GRK5: variants seen among roughly 807,000 people sequenced by gnomAD.
GRK5 encodes the protein G protein-coupled receptor kinase 5.
In GRK5, 40 loss-of-function variants were observed where a neutral mutation model predicts 78.4. That is an observed-to-expected ratio of 0.51 (90% CI 0.40 to 0.66). The LOEUF (loss-of-function observed/expected upper bound fraction) is 0.66, where lower values mean the gene tolerates loss of function less well. GRK5 is among the 30% of genes least tolerant of loss of function. The pLI, the probability that GRK5 is intolerant of heterozygous loss-of-function variation, is 0.00. For synonymous variants in GRK5, 289 were observed against 296.8 expected (o/e 0.97, Z 0.27); for missense variants, 598 against 759.9 (o/e 0.79, Z 2.50).
chr10:119,214,598 C>T (rs1366712315), intron 1 of GRK5, among the ~76,000 whole-genome samples: 1 of 152,130 alleles, frequency 6.6e-6, no homozygotes, highest in African/African-American at 2.4e-5. Context: ...CAGCTCACTG[C>T]AACTTCGACC....
In GRK5 at chr10:119,452,269, C is replaced by T. The variant is rs1271737749; in HGVS notation, c.1405-402C>T. Among the ~76,000 whole-genome samples the T allele has an allele frequency of 6.6e-6, 1 of 152,216 alleles. No homozygotes were observed. Among genetic ancestry groups the T allele is most frequent in the African/African-American group, 2.4e-5 (1 of 41,456 alleles). On this transcript the variant is annotated intron_variant, in intron 13 of 15. Coordinates refer to ENST00000392870, the MANE Select transcript of GRK5 (RefSeq NM_005308.3). This position sits in a 1 kb window ranked among gnomAD's most constrained non-coding sequence, Gnocchi z 4.4. Reference sequence around the variant, plus strand: ...ACTTCCCCAAAGTTCCTAAGCCCCACAGCTGGGACTCTAGCCCACGTCTGT... The same window carrying T: ...ACTTCCCCAAAGTTCCTAAGCCCCATAGCTGGGACTCTAGCCCACGTCTGT...
chr10:119,292,945 T>C (rs983546414), intron 1 of GRK5, among the ~76,000 whole-genome samples: 2 of 152,180 alleles, frequency 1.3e-5, no homozygotes. Flanking sequence ...GTTGACTTTA[T>C]GTTTTACAAA....
Position 119,431,313 on chromosome 10 carries a change from G to T in GRK5, c.598-74G>T. 1 of 1,522,042 alleles carries T rather than the reference G, an allele frequency of 6.6e-7. No individual in the cohort carries two copies. Among genetic ancestry groups the T allele is most frequent in the East Asian group, 2.3e-5 (1 of 43,414 alleles). 94.3% of individuals were successfully genotyped at this position (1,522,042 alleles called of 1,614,324 possible). A position where few individuals can be genotyped will look rare whatever the true frequency, so the allele number is the denominator to read the frequency against. On this transcript the variant is annotated intron_variant, in intron 7 of 15. Transcript: ENST00000392870. The surrounding 1 kb of genome is among the most constrained non-coding windows in gnomAD (Gnocchi z 4.8). ...CCATTCTCTACCTGGGAGGCCTGTG[G>T]TCCCCGCCCTGGAGGAGCTCGGGGC...
intron 3 of GRK5, among the ~76,000 whole-genome samples, chr10:119,390,976 G>A (rs1477106376): frequency 1.3e-5 from 2 of 150,922 alleles, no homozygotes; most frequent in South Asian, 2.1e-4. Flanking sequence ...TCCACCACGT[G>A]GAGAGATGCA....
At chr10:119,248,006 T>TA (rs1849140681) in intron 1 of GRK5, among the ~76,000 whole-genome samples, 1 of 152,170 alleles carries the variant, frequency 6.6e-6, no homozygotes, top group African/African-American at 2.4e-5. Context: ...TGCACACAAA[T>TA]ACGTAATTAG....
chr10:119,401,550 G>A (rs896969077), intron 4 of GRK5, among the ~76,000 whole-genome samples: 3 of 152,200 alleles, frequency 2.0e-5, no homozygotes, highest in Non-Finnish European at 4.4e-5. Context: ...GCATGGGTTT[G>A]GGAAAGTTGC....
chr10:119,438,673 C>G (rs560698780), intron 9 of GRK5, among the ~76,000 whole-genome samples: 64 of 152,360 alleles, frequency 4.2e-4, no homozygotes, highest in African/African-American at 1.4e-3. Context: ...TCCTCCCTGG[C>G]TGTGACCACT....
chr10:119,291,651 C>CTCTTCCTCCTCATCCTCCTCCTTCTCT (rs1849962804), intron 1 of GRK5, among the ~76,000 whole-genome samples: 5 of 147,868 alleles, frequency 3.4e-5, no homozygotes, highest in Non-Finnish European at 7.5e-5. Context: ...CTTCCTCCTC[C>CTCTTCCTCCTCATCCTCCTCCTTCTCT]TCTTCCTCCT....
intron 2 of GRK5, among the ~76,000 whole-genome samples, chr10:119,374,652 A>G (rs1313858491): frequency 6.6e-6 from 1 of 152,226 alleles, no homozygotes; most frequent in Non-Finnish European, 1.5e-5. Flanking sequence ...AGTTACATTC[A>G]TTACCAAGGA....
chr10:119,426,923 T>C (rs1394016341), intron 6 of GRK5, among the ~76,000 whole-genome samples: 1 of 150,888 alleles, frequency 6.6e-6, no homozygotes, highest in East Asian at 2.0e-4. Context: ...GCATCACTGC[T>C]GTTATCAATA....
intron 1 of GRK5, among the ~76,000 whole-genome samples, chr10:119,259,553 C>T (rs904596951): frequency 4.6e-5 from 7 of 152,214 alleles, no homozygotes; most frequent in African/African-American, 1.7e-4. Context: ...CAATTTAAGT[C>T]ATCTGGTAGG....
At position 119,445,383 on chromosome 10, in the gene GRK5, T is replaced by C. The variant is rs1341251443; in HGVS notation, c.1266+1631T>C. On this transcript the variant is annotated intron_variant, in intron 12 of 15. Transcript: ENST00000392870. The surrounding 1 kb of genome is among the most constrained non-coding windows in gnomAD (Gnocchi z 4.1). ...GTCTTGAGAGATCTCAGCAGGGATA[T>C]GGGACGTACTAAGAGGATGACGAGG... is the stretch of plus-strand genomic sequence containing the variant. Among the ~76,000 whole-genome samples, 3 of 151,992 alleles carry C rather than the reference T, an allele frequency of 2.0e-5. No homozygotes were observed. The highest frequency in any genetic ancestry group is 4.4e-5 in the Non-Finnish European group (3 of 67,984).
chr10:119,387,594 G>A (rs1220754320), intron 3 of GRK5, among the ~76,000 whole-genome samples: 1 of 152,216 alleles, frequency 6.6e-6, no homozygotes, highest in African/African-American at 2.4e-5. Flanking sequence ...CTGGTCAGGG[G>A]ATTGAAGAGG....
At chr10:119,371,974 G>A (rs1317555015) in intron 2 of GRK5, among the ~76,000 whole-genome samples, 1 of 152,242 alleles carries the variant, frequency 6.6e-6, no homozygotes, top group African/African-American at 2.4e-5. Flanking sequence ...CCACTGTGGA[G>A]ACACTATTGC....
chr10:119,436,991 C>T, intron 9 of GRK5, 150 bp downstream of exon 9: 2 of 762,054 alleles, frequency 2.6e-6, no homozygotes, highest in Non-Finnish European at 4.1e-6. Flanking sequence ...ACTTTCCACT[C>T]CAGGAAGCTG....
chr10:119,404,044 GTA>G (rs1238423394), intron 4 of GRK5, among the ~76,000 whole-genome samples: 2 of 152,218 alleles, frequency 1.3e-5, no homozygotes, highest in African/African-American at 4.8e-5. Context: ...ATACATAGGA[GTA>G]GAATTGCTGG....
intron 1 of GRK5, among the ~76,000 whole-genome samples, chr10:119,233,450 G>A (rs921586520): frequency 1.3e-5 from 2 of 152,148 alleles, no homozygotes; most frequent in Admixed American, 6.5e-5. Flanking sequence ...GCTCTTGGTG[G>A]CCGTTGCCAC....
intron 2 of GRK5, among the ~76,000 whole-genome samples, chr10:119,356,933 C>G (rs1365206799): frequency 6.6e-6 from 1 of 152,238 alleles, no homozygotes; most frequent in African/African-American, 2.4e-5. Flanking sequence ...TAGCAACTGA[C>G]CAGTGCTGAG....
At chr10:119,287,328 GGAAGGGAGAGA>G (rs1694492182) in intron 1 of GRK5, among the ~76,000 whole-genome samples, 1 of 18,616 alleles carries the variant, frequency 5.4e-5, no homozygotes, top group African/African-American at 1.7e-4. Flanking sequence ...GAGGGAGGGA[GGAAGGGAGAGA>G]GGAGGAAGGG....
Sources: gnomAD v4.1 joint callset for allele counts (sites outside exome capture counted in the v4.1 genomes callset) on GRCh38, gnomAD v4.1.1 for gene constraint, Gnocchi (gnomAD v3.1) non-coding constraint, MANE v1.5 for transcripts, NCBI Gene and HGNC (gene_info 2026-07-23, HGNC 2026-07-21) for gene names.